ZER1: variants seen among roughly 807,000 people sequenced by gnomAD.
ZER1 encodes zyg-11 related cell cycle regulator.
In ZER1, 11 loss-of-function variants were observed where a neutral mutation model predicts 78.8. That is an observed-to-expected ratio of 0.14 (90% confidence interval 0.09 to 0.23). The LOEUF (loss-of-function observed/expected upper bound fraction) is 0.23, where lower values mean the gene tolerates loss of function less well. Ranked by LOEUF, ZER1 falls within the 10% of genes least tolerant of loss-of-function variation. The pLI is 1.00. For missense variants in ZER1, 588 were observed against 996.9 expected (o/e 0.59, Z 5.52); for synonymous variants, 400 against 407.0 (o/e 0.98, Z 0.21).
Position 128,736,440 on chromosome 9 carries a change from C to CTGGAG in ZER1, c.2043-1014_2043-1010dup, listed in dbSNP as rs557972140. ...ACGGAGTCTCACTCTGTCGCCCAGG[C>CTGGAG]TGGAGTTCAGTGGTGCAATCTCGGC... On this transcript the variant is annotated intron_variant, in intron 13 of 15. Coordinates refer to ENST00000291900, the MANE Select transcript of ZER1 (RefSeq NM_006336.4). Among the ~76,000 whole-genome samples, 18 of 149,514 alleles carry CTGGAG rather than the reference C, an allele frequency of 1.2e-4. No homozygotes were observed. In the South Asian group the frequency reaches 3.6e-3, roughly 30 times the overall value.
At chr9:128,747,818 C>T (rs1863544834) in intron 8 of ZER1, among the ~76,000 whole-genome samples, 1 of 152,120 alleles carries the variant, frequency 6.6e-6, no homozygotes, top group South Asian at 2.1e-4. Context: ...AGGGTTTCAC[C>T]ATGTTGGCCA....
At position 128,739,815 on chromosome 9, in the gene ZER1, C is replaced by G. The variant is rs959738772; in HGVS notation, c.2042+116G>C. 3.8e-6 allele frequency: 5 copies of G among 1,326,136 alleles called. No individual in the cohort carries two copies. In the African/African-American group the frequency reaches 5.9e-5, roughly 16 times the overall value. The allele number at this position is 1,326,136 out of a possible 1,614,324, so 82.1% of individuals were successfully genotyped here. On this transcript the variant is annotated intron_variant, in intron 13 of 15. Coordinates refer to ENST00000291900, the MANE Select transcript of ZER1 (RefSeq NM_006336.4). ...CGTATCAATGAGTGAAAGCAGAACC[C>G]TACAGAAGACCAGAAGGAAGGTGGG...
chr9:128,747,707 G>A (rs777748114), intron 8 of ZER1, among the ~76,000 whole-genome samples: 3 of 152,046 alleles, frequency 2.0e-5, no homozygotes, highest in African/African-American at 7.2e-5. Flanking sequence ...TCCACCTCCC[G>A]AGTTTAAGCA....
chr9:128,736,042 T>C (rs1356040924), intron 13 of ZER1, among the ~76,000 whole-genome samples: 2 of 150,728 alleles, frequency 1.3e-5, no homozygotes, highest in South Asian at 2.1e-4. Flanking sequence ...TCCGCCTCCC[T>C]GGTTCACGCC....
In ZER1 at chr9:128,753,122, C is replaced by A; in HGVS notation, c.746+42G>T. 1.3e-6 allele frequency: 2 copies of A among 1,485,130 alleles called. No individual in the cohort carries two copies. Among genetic ancestry groups the A allele is most frequent in the Non-Finnish European group, 1.8e-6 (2 of 1,116,260 alleles). The allele number at this position is 1,485,130 out of a possible 1,614,324, so 92.0% of individuals were successfully genotyped here. The stretch of plus-strand genomic sequence containing the variant: ...CCCACCTCTACTCCTCCCCACCTGC[C>A]CCCCAAACCCCACCCTGGTGAGCTC... On this transcript the variant is annotated intron_variant, in intron 4 of 15. Coordinates refer to ENST00000291900, the MANE Select transcript of ZER1 (RefSeq NM_006336.4). The surrounding 1 kb of genome is among the most constrained non-coding windows in gnomAD (Gnocchi z 7.5).
chr9:128,737,138 C>T (rs898019502), intron 13 of ZER1, among the ~76,000 whole-genome samples: 3 of 151,732 alleles, frequency 2.0e-5, no homozygotes, highest in Admixed American at 6.6e-5. Flanking sequence ...TGCGAGACTC[C>T]GTCTCAAAAA....
In ZER1 at chr9:128,734,144, A is replaced by AAAAAAAAAAT; in HGVS notation, c.2141-617_2141-616insATTTTTTTTT. On this transcript the variant is annotated intron_variant, in intron 14 of 15. Transcript: ENST00000291900. Reference sequence around the variant, plus strand: ...CTCCGTCTCAAAAAAAAAAAAAAAAAATATATATATATATATATAAAATCT... The same window carrying AAAAAAAAAAT: ...CTCCGTCTCAAAAAAAAAAAAAAAAAAAAAAAAAATATATATATATATATATATAAAATCT... Among the ~76,000 whole-genome samples, 46 of 14,438 alleles carry AAAAAAAAAAT rather than the reference A, an allele frequency of 3.2e-3. 3 individuals carry two copies. Among genetic ancestry groups the AAAAAAAAAAT allele is most frequent in the African/African-American group, 8.4e-3 (45 of 5,348 alleles). The allele number at this position is 14,438 out of a possible 152,430, so 9.5% of individuals were successfully genotyped here.
chr9:128,749,898 C>G (rs1455442896), intron 8 of ZER1, among the ~76,000 whole-genome samples: 4 of 151,926 alleles, frequency 2.6e-5, no homozygotes, highest in African/African-American at 9.7e-5. Context: ...ACAAAATTAG[C>G]CGGGCATGGT....
intron 8 of ZER1, among the ~76,000 whole-genome samples, chr9:128,743,301 A>C (rs1029658825): frequency 6.6e-6 from 1 of 152,016 alleles, no homozygotes; most frequent in Non-Finnish European, 1.5e-5. Context: ...TTTTTAGTAG[A>C]GATGGGGTTT....
rs144370594 is a variant in ZER1 at position 128,768,389 on chromosome 9, G to A, written c.-95+3192C>T. The stretch of plus-strand genomic sequence containing the variant: ...CAGAACACACCTAATTCTTTCACAA[G>A]CTGTGTCTCATTTCATCCTCCCAAC... On this transcript the variant is annotated intron_variant, in intron 1 of 15. Transcript: ENST00000291900. 4.0e-4 allele frequency among the ~76,000 whole-genome samples: 61 copies of A among 152,290 alleles called. No individual in the cohort carries two copies. The East Asian group carries it at 0.012, about 29-fold the overall frequency.
intron 9 of ZER1, among the ~76,000 whole-genome samples, 155 bp downstream of exon 9, chr9:128,742,375 C>A (rs1044732639): frequency 6.6e-6 from 1 of 152,206 alleles, no homozygotes; most frequent in African/African-American, 2.4e-5. Flanking sequence ...TTAAGAAATT[C>A]TTCCTTTGGT....
chr9:128,737,719 T>C (rs1863134099), intron 13 of ZER1, among the ~76,000 whole-genome samples: 1 of 152,152 alleles, frequency 6.6e-6, no homozygotes, highest in Non-Finnish European at 1.5e-5. Context: ...TCTTTTTTTT[T>C]TGAGATGGAG....
rs1279134262 is a variant in ZER1 at position 128,753,815 on chromosome 9, G to A, written c.303C>T (p.Arg101=). 1.3e-6 allele frequency: 2 copies of A among 1,587,276 alleles called. No homozygotes were observed. Among genetic ancestry groups the A allele is most frequent in the Non-Finnish European group, 8.6e-7 (1 of 1,167,884 alleles). ...LVQDQDLEAI[R]KQDLVELYLT... is the part of the protein sequence containing the mutation. ...GTGGCGGGGCAGGTCTCACCTGCTT[G>A]CGGATGGCCTCCAGGTCCTGGTCCT... is the stretch of plus-strand genomic sequence containing the variant. Residue 101 remains arginine, a synonymous_variant, in exon 3 of 16, where the codon CGC becomes CGT. Transcript: ENST00000291900. The surrounding 1 kb of genome is among the most constrained non-coding windows in gnomAD (Gnocchi z 7.5).
chr9:128,751,258 T>C lies in ZER1; in HGVS notation c.1049A>G (p.Asp350Gly). 6.3e-7 allele frequency: 1 copy of C among 1,598,154 alleles called. No individual in the cohort carries two copies. Among genetic ancestry groups the C allele is most frequent in the Non-Finnish European group, 8.6e-7 (1 of 1,166,890 alleles). Reference sequence around the variant, plus strand: ...ATTCAGCACCTGCTCTTCGTTTTTGTCACCACTTACCTGCGGGTGGGACAC... The same window carrying C: ...ATTCAGCACCTGCTCTTCGTTTTTGCCACCACTTACCTGCGGGTGGGACAC... ...THIPAYKVSG[D>G]KNEEQVLNAI... Residue 350 changes from aspartate (D) to glycine (G), a missense_variant, in exon 7 of 16, where the codon GAC (aspartate) becomes GGC (glycine). Physicochemically the swap from Asp to Gly is moderately conservative, Grantham distance 94. This residue lies in a region of ZER1 where 406 missense variants were observed against 660.1 expected (regional missense o/e 0.62). Transcript: ENST00000291900. The surrounding 1 kb of genome is among the most constrained non-coding windows in gnomAD (Gnocchi z 5.4).
chr9:128,759,337 A>ATTTTT (rs35419870), intron 1 of ZER1, among the ~76,000 whole-genome samples: 4 of 133,070 alleles, frequency 3.0e-5, no homozygotes, highest in Non-Finnish European at 3.3e-5. Context: ...CACCCAGCTA[A>ATTTTT]TTTTTTTTTT....
Position 128,754,077 on chromosome 9 carries a change from C to A in ZER1, c.159-118G>T. 7.8e-7 allele frequency: 1 copy of A among 1,274,394 alleles called. No individual in the cohort carries two copies. The allele number at this position is 1,274,394 out of a possible 1,614,324, so 78.9% of individuals were successfully genotyped here. ...GATCACCCCAAGTAGCAACCTCCTTCTCCTAAGAGTATCTGGTCAGATCCT... is the reference window on the plus strand; with the variant it reads ...GATCACCCCAAGTAGCAACCTCCTTATCCTAAGAGTATCTGGTCAGATCCT... On this transcript the variant is annotated intron_variant, in intron 2 of 15. Coordinates refer to ENST00000291900, the MANE Select transcript of ZER1 (RefSeq NM_006336.4). This position sits in a 1 kb window ranked among gnomAD's most constrained non-coding sequence, Gnocchi z 4.3.
chr9:128,740,592 A>AAG lies in ZER1; in HGVS notation c.1853+179_1853+180insCT, dbSNP rs1358838507. Among the ~76,000 whole-genome samples, 5 of 152,034 alleles carry AAG rather than the reference A, an allele frequency of 3.3e-5. No individual in the cohort carries two copies. Among genetic ancestry groups the AAG allele is most frequent in the Non-Finnish European group, 7.4e-5 (5 of 68,006 alleles). ...AAGACTCCATCTCAAAAAAAAAAAA[A>AAG]AAGATATAATTACAAAAGGACCACT... On this transcript the variant is annotated intron_variant, in intron 12 of 15. Coordinates refer to ENST00000291900, the MANE Select transcript of ZER1 (RefSeq NM_006336.4). This position sits in a 1 kb window ranked among gnomAD's most constrained non-coding sequence, Gnocchi z 4.4.
chr9:128,742,160 T>C (rs956333565), intron 9 of ZER1, among the ~76,000 whole-genome samples: 4 of 152,226 alleles, frequency 2.6e-5, no homozygotes. Context: ...TGTCATTCTT[T>C]CCTTCCTTTC....
Position 128,755,819 on chromosome 9 carries a change from G to T in ZER1, c.-94-160C>A, listed in dbSNP as rs1217002329. Among the ~76,000 whole-genome samples the T allele has an allele frequency of 6.6e-6, 1 of 152,230 alleles. No individual in the cohort carries two copies. The highest frequency in any genetic ancestry group is 1.5e-5 in the Non-Finnish European group (1 of 68,046). On this transcript the variant is annotated intron_variant, in intron 1 of 15. Coordinates refer to ENST00000291900, the MANE Select transcript of ZER1 (RefSeq NM_006336.4). This position sits in a 1 kb window ranked among gnomAD's most constrained non-coding sequence, Gnocchi z 5.6. Reference sequence around the variant, plus strand: ...CTGACTCCTTCTTTCACCCGCCTCTGCTGTGCCACTATCTATGCACAATTT... The same window carrying T: ...CTGACTCCTTCTTTCACCCGCCTCTTCTGTGCCACTATCTATGCACAATTT...
Sources: allele counts gnomAD v4.1 joint callset (sites outside exome capture counted in the v4.1 genomes callset), GRCh38; gene constraint gnomAD v4.1.1; regional missense constraint gnomAD v4.1.1; non-coding constraint Gnocchi (gnomAD v3.1); transcripts MANE v1.5; gene names NCBI Gene and HGNC (gene_info 2026-07-23, HGNC 2026-07-21).